Variants in PTPRD observed in about 807,000 individuals in gnomAD.
The protein encoded by PTPRD is protein tyrosine phosphatase receptor type D, also known as receptor-type tyrosine-protein phosphatase delta.
In PTPRD, 34 loss-of-function variants were observed where a neutral mutation model predicts 214.5. The observed-to-expected ratio is 0.16, with a 90% CI of 0.12 to 0.21. The LOEUF is 0.21. Ranked by LOEUF, PTPRD falls within the 10% of genes least tolerant of loss-of-function variation. The probability of loss-of-function intolerance (pLI) is 1.00; values close to 1 mark genes in which losing one functional copy is unlikely to be tolerated. For missense variants in PTPRD, 2,545 were observed against 2,398.7 expected (o/e 1.06, Z -1.27); for synonymous variants, 1,128 against 845.7 (o/e 1.33, Z -5.79).
At chr9:9,386,988 A>G (rs983475800) in intron 9 of PTPRD, among the ~76,000 whole-genome samples, 7 of 152,228 alleles carry the variant, frequency 4.6e-5, no homozygotes, top group African/African-American at 1.4e-4. Context: ...CTAACAGCTC[A>G]GATGAGAAAT....
chr9:9,165,353 G>T (rs1016106519), intron 10 of PTPRD, among the ~76,000 whole-genome samples: 1 of 152,138 alleles, frequency 6.6e-6, no homozygotes, highest in African/African-American at 2.4e-5. Context: ...TTTTATGTAA[G>T]GCATTGCCTT....
Position 10,585,012 on chromosome 9 carries a change from A to C in PTPRD, c.-600+27386T>G, listed in dbSNP as rs141201764. Among the ~76,000 whole-genome samples the C allele has an allele frequency of 9.4e-4, 143 of 152,278 alleles. 3 individuals carry two copies. The East Asian group carries it at 0.023, about 25-fold the overall frequency. On this transcript the variant is annotated intron_variant, in intron 2 of 45. Coordinates refer to ENST00000381196, the MANE Select transcript of PTPRD (RefSeq NM_002839.4). Reference sequence around the variant, plus strand: ...GACGATAAATAACTGATGATGACATAAAGTGCCAAACTAATCTCACCTCCA... The same window carrying C: ...GACGATAAATAACTGATGATGACATCAAGTGCCAAACTAATCTCACCTCCA...
intron 44 of PTPRD, among the ~76,000 whole-genome samples, chr9:8,321,526 T>TATATATATATATATAA (rs1327118226): frequency 1.3e-4 from 15 of 115,778 alleles, no homozygotes; most frequent in South Asian, 3.2e-4. Flanking sequence ...TATATATATA[T>TATATATATATATATAA]AAAAGGTATA....
At chr9:10,100,495 C>A (rs528380138) in intron 3 of PTPRD, among the ~76,000 whole-genome samples, 1 of 151,592 alleles carries the variant, frequency 6.6e-6, no homozygotes, top group Non-Finnish European at 1.5e-5. Context: ...CTCGGAAATA[C>A]ATTTAGAAAG....
At chr9:10,060,352 C>T (rs897352846) in intron 3 of PTPRD, among the ~76,000 whole-genome samples, 2 of 152,006 alleles carry the variant, frequency 1.3e-5, no homozygotes, top group African/African-American at 2.4e-5. Flanking sequence ...CACTCAGATA[C>T]ATTGTCCCAT....
At chr9:9,510,347 T>A (rs890459676) in intron 8 of PTPRD, among the ~76,000 whole-genome samples, 1 of 151,720 alleles carries the variant, frequency 6.6e-6, no homozygotes, top group African/African-American at 2.4e-5. Flanking sequence ...TGTCTTATTC[T>A]TTTAGTTTTT....
intron 10 of PTPRD, among the ~76,000 whole-genome samples, chr9:9,084,132 G>A (rs566416797): frequency 6.6e-6 from 1 of 152,138 alleles, no homozygotes; most frequent in South Asian, 2.1e-4. Context: ...TATCACAATA[G>A]CAAAGACTTG....
intron 4 of PTPRD, among the ~76,000 whole-genome samples, chr9:9,983,214 C>T (rs1407200082): frequency 6.6e-6 from 1 of 152,174 alleles, no homozygotes; most frequent in Non-Finnish European, 1.5e-5. Flanking sequence ...CTGGTAGCAG[C>T]AGAGGTAGCC....
At chr9:8,506,848 A>G (rs764864241) in intron 22 of PTPRD, among the ~76,000 whole-genome samples, 2 of 152,170 alleles carry the variant, frequency 1.3e-5, no homozygotes, top group Non-Finnish European at 2.9e-5. Context: ...AACATTTGCT[A>G]TTGGGGAATC....
intron 5 of PTPRD, among the ~76,000 whole-genome samples, chr9:9,934,823 C>T (rs2153945712): frequency 6.6e-6 from 1 of 152,018 alleles, no homozygotes; most frequent in Middle Eastern, 3.4e-3. Flanking sequence ...TGCAAAAATC[C>T]TCAATAAAAT....
chr9:8,885,608 T>C (rs1282846705), intron 11 of PTPRD, among the ~76,000 whole-genome samples: 2 of 149,256 alleles, frequency 1.3e-5, no homozygotes, highest in African/African-American at 2.5e-5. Context: ...GCAATTCTCA[T>C]GCCTCAGCTT....
chr9:9,241,748 G>C (rs898310159), intron 9 of PTPRD, among the ~76,000 whole-genome samples: 2 of 151,306 alleles, frequency 1.3e-5, no homozygotes, highest in East Asian at 2.0e-4. Context: ...CTCTCCATAC[G>C]AGATGGGTTT....
chr9:8,840,728 C>G (rs2097541782), intron 11 of PTPRD, among the ~76,000 whole-genome samples: 1 of 152,036 alleles, frequency 6.6e-6, no homozygotes, highest in African/African-American at 2.4e-5. Flanking sequence ...CACCACATCT[C>G]TCTGAAAAAA....
intron 2 of PTPRD, among the ~76,000 whole-genome samples, chr9:10,359,140 T>C (rs924150254): frequency 2.0e-5 from 3 of 152,048 alleles, no homozygotes; most frequent in Non-Finnish European, 2.9e-5. Context: ...TTTATTTATA[T>C]CATGAGATCT....
At chr9:9,337,818 G>A (rs1248068755) in intron 9 of PTPRD, among the ~76,000 whole-genome samples, 2 of 152,090 alleles carry the variant, frequency 1.3e-5, no homozygotes, top group East Asian at 1.9e-4. Context: ...TACATTATAA[G>A]TTTCTCTATC....
rs377650023 is a variant in PTPRD at position 9,778,825 on chromosome 9, AC to A, written c.-367-11975del. Among the ~76,000 whole-genome samples, 451 of 152,190 alleles carry A rather than the reference AC, an allele frequency of 3.0e-3. 1 individual carries two copies. Among genetic ancestry groups the A allele is most frequent in the African/African-American group, 0.01 (422 of 41,514 alleles). ...AGTACAGAGTTATTCCTACAAAACA[AC>A]CAAAGTCATTGTTCACAAAATTAGA... On this transcript the variant is annotated intron_variant, in intron 5 of 45. Coordinates refer to ENST00000381196, the MANE Select transcript of PTPRD (RefSeq NM_002839.4).
At chr9:9,826,461 C>T (rs1021770067) in intron 5 of PTPRD, among the ~76,000 whole-genome samples, 8 of 151,784 alleles carry the variant, frequency 5.3e-5, no homozygotes, top group African/African-American at 1.9e-4. Flanking sequence ...TATTTTCAGT[C>T]ATATGGTTAT....
intron 8 of PTPRD, among the ~76,000 whole-genome samples, chr9:9,401,315 C>G (rs1233719822): frequency 6.6e-6 from 1 of 151,940 alleles, no homozygotes; most frequent in Non-Finnish European, 1.5e-5. Context: ...TATATATACA[C>G]AAGTAATCAG....
At chr9:9,409,285 C>T in intron 8 of PTPRD, among the ~76,000 whole-genome samples, 1 of 151,944 alleles carries the variant, frequency 6.6e-6, no homozygotes, top group East Asian at 1.9e-4. Flanking sequence ...CAATAGCAAG[C>T]TTTAATATAT....
Sources: gnomAD v4.1 joint callset for allele counts (sites outside exome capture counted in the v4.1 genomes callset) on GRCh38, gnomAD v4.1.1 for gene constraint, MANE v1.5 for transcripts, NCBI Gene and HGNC (gene_info 2026-07-23, HGNC 2026-07-21) for gene names.